MLEC: variants seen among roughly 807,000 people sequenced by gnomAD.
The protein encoded by MLEC is oligosaccharyltransferase complex subunit (non-catalytic).
Under a neutral mutation model 28.7 loss-of-function variants are expected in MLEC, and 7 were observed. The observed-to-expected ratio is 0.24, with a 90% confidence interval of 0.14 to 0.46. MLEC has a LOEUF of 0.46. Among genes scored for constraint, MLEC ranks in the 20% least tolerant of loss-of-function variants. The probability of loss-of-function intolerance (pLI) is 0.99; values close to 1 mark genes in which losing one functional copy is unlikely to be tolerated. For synonymous variants in MLEC, 142 were observed against 164.4 expected, an observed-to-expected ratio of 0.86 and a Z score of 1.04; for missense variants, 237 against 391.1, an observed-to-expected ratio of 0.61 and a Z score of 3.32.
At position 120,687,285 on chromosome 12, in the gene MLEC, G is replaced by A; in HGVS notation, c.-12G>A. ...AGGGTCGGCGGGGGCTGCCCCCGTG[G>A]TGGTGGCCGCCATGCTGGGAGCCTG... On this transcript the variant is annotated 5_prime_UTR_variant, in exon 1 of 5. It adds an upstream start codon to the 5' untranslated region. Coordinates refer to ENST00000228506, the MANE Select transcript of MLEC (RefSeq NM_014730.4). This position sits in a 1 kb window ranked among gnomAD's most constrained non-coding sequence, Gnocchi z 8.1. The A allele has an allele frequency of 5.1e-6, 7 of 1,378,850 alleles. No individual in the cohort carries two copies. The highest frequency in any genetic ancestry group is 6.5e-6 in the Non-Finnish European group (7 of 1,072,312). 85.4% of individuals were successfully genotyped at this position (1,378,850 alleles called of 1,614,324 possible).
Position 120,687,375 on chromosome 12 carries a change from C to T in MLEC, c.79C>T (p.Arg27Trp), listed in dbSNP as rs774252548. 1.5e-6 allele frequency: 2 copies of T among 1,370,394 alleles called. No homozygotes were observed. Among genetic ancestry groups the T allele is most frequent in the South Asian group, 3.9e-5 (2 of 51,480 alleles). 84.9% of individuals were successfully genotyped at this position (1,370,394 alleles called of 1,614,324 possible). A position where few individuals can be genotyped will look rare whatever the true frequency, so the allele number is the denominator to read the frequency against. Reference protein sequence around the residue: ...LLLLLLPPAIRGPGLGVAGVA... With the variant: ...LLLLLLPPAIWGPGLGVAGVA... ...GCTGCTGCTGCTGCCGCCGGCGATC[C>T]GGGGACCCGGGCTCGGCGTGGCCGG... Residue 27 changes from arginine to tryptophan, a missense_variant, in exon 1 of 5, where the codon CGG becomes TGG. Arg to Trp is a moderately radical substitution (Grantham distance 101). Transcript: ENST00000228506. The surrounding 1 kb of genome is among the most constrained non-coding windows in gnomAD (Gnocchi z 8.1).
rs985261409 is a variant in MLEC, at chr12:120,699,226, T to C, written c.*2681T>C. 4 of 152,716 alleles carry C rather than the reference T, an allele frequency of 2.6e-5. No individual in the cohort carries two copies. Among genetic ancestry groups the C allele is most frequent in the Non-Finnish European group, 5.9e-5 (4 of 68,068 alleles). The allele number at this position is 152,716 out of a possible 1,614,324, so 9.5% of individuals were successfully genotyped here. ...TGTTCTCTTATCTGTATTTTGAGCT[T>C]AGTGCTAGGACTGAGAGGCTGCACC... On this transcript the variant is annotated 3_prime_UTR_variant, in exon 5 of 5. Transcript: ENST00000228506.
rs1038659268 is a variant in MLEC at position 120,687,361 on chromosome 12, T to C, written c.65T>C (p.Leu22Pro). The part of the protein sequence containing the change: ...VALLRLLLLL[L>P]PPAIRGPGLG... Reference sequence around the variant, plus strand: ...CTCCTGCGACTGCTGCTGCTGCTGCTGCCGCCGGCGATCCGGGGACCCGGG... The same window carrying C: ...CTCCTGCGACTGCTGCTGCTGCTGCCGCCGCCGGCGATCCGGGGACCCGGG... The change falls in exon 1 of 5, where the codon CTG becomes CCG. Residue 22 changes from leucine to proline, a missense_variant. Leu to Pro is a moderately conservative substitution (Grantham distance 98). Transcript: ENST00000228506. The surrounding 1 kb of genome is among the most constrained non-coding windows in gnomAD (Gnocchi z 8.1). 5.8e-6 allele frequency: 8 copies of C among 1,376,640 alleles called. No individual in the cohort carries two copies. The highest frequency in any genetic ancestry group is 3.9e-5 in the Admixed American group (1 of 25,334). The allele number at this position is 1,376,640 out of a possible 1,614,324, so 85.3% of individuals were successfully genotyped here. A position where few individuals can be genotyped will look rare whatever the true frequency, so the allele number is the denominator to read the frequency against.
In MLEC at chr12:120,696,226, A is replaced by T; in HGVS notation, c.650-90A>T. The T allele has an allele frequency of 1.3e-6, 2 of 1,517,600 alleles. No homozygotes were observed. Among genetic ancestry groups the T allele is most frequent in the Non-Finnish European group, 1.8e-6 (2 of 1,122,100 alleles). The allele number at this position is 1,517,600 out of a possible 1,614,324, so 94.0% of individuals were successfully genotyped here. On this transcript the variant is annotated intron_variant, in intron 4 of 4. Coordinates refer to ENST00000228506, the MANE Select transcript of MLEC (RefSeq NM_014730.4). This position sits in a 1 kb window ranked among gnomAD's most constrained non-coding sequence, Gnocchi z 5.4. ...CTCTGGACCCGGGTTCAATCACAGC[A>T]ATCTCTTTATTGTGGCTTATTTGCT...
chr12:120,700,243 G>C lies in MLEC; in HGVS notation c.*3698G>C, dbSNP rs1882396586. On this transcript the variant is annotated 3_prime_UTR_variant, in exon 5 of 5. Coordinates refer to ENST00000228506, the MANE Select transcript of MLEC (RefSeq NM_014730.4). This position sits in a 1 kb window ranked among gnomAD's most constrained non-coding sequence, Gnocchi z 4.0. ...TTCCCTCTAGATTCAGGTTTGGGCA[G>C]GGGTCCTATAGTCCCTGCCATGGGG... The C allele has an allele frequency of 6.5e-6, 1 of 152,752 alleles. No individual in the cohort carries two copies. The highest frequency in any genetic ancestry group is 6.5e-5 in the Admixed American group (1 of 15,280). 9.5% of individuals were successfully genotyped at this position (152,752 alleles called of 1,614,324 possible). A position where few individuals can be genotyped will look rare whatever the true frequency, so the allele number is the denominator to read the frequency against.
chr12:120,699,544 C>T lies in MLEC; in HGVS notation c.*2999C>T, dbSNP rs1882367021. 1 of 152,250 alleles carries T rather than the reference C, an allele frequency of 6.6e-6. No individual in the cohort carries two copies. Among genetic ancestry groups the T allele is most frequent in the Non-Finnish European group, 1.5e-5 (1 of 68,070 alleles). The allele number at this position is 152,250 out of a possible 1,614,324, so 9.4% of individuals were successfully genotyped here. A position where few individuals can be genotyped will look rare whatever the true frequency, so the allele number is the denominator to read the frequency against. The stretch of plus-strand genomic sequence containing the variant: ...TCTCTCATTGGACGTTTTTGGGTCT[C>T]ACTCATGCTTACTGAAACATTGTGC... On this transcript the variant is annotated 3_prime_UTR_variant, in exon 5 of 5. Coordinates refer to ENST00000228506, the MANE Select transcript of MLEC (RefSeq NM_014730.4).
Position 120,699,352 on chromosome 12 carries a change from G to T in MLEC, c.*2807G>T, listed in dbSNP as rs1177611480. Reference sequence around the variant, plus strand: ...ATCTACACTCTGTCCCAGGTTTTTAGATCCCACTGAGCCCAGCTGACTGAA... The same window carrying T: ...ATCTACACTCTGTCCCAGGTTTTTATATCCCACTGAGCCCAGCTGACTGAA... On this transcript the variant is annotated 3_prime_UTR_variant, in exon 5 of 5. Coordinates refer to ENST00000228506, the MANE Select transcript of MLEC (RefSeq NM_014730.4). The T allele has an allele frequency of 1.3e-5, 2 of 152,546 alleles. No individual in the cohort carries two copies. The highest frequency in any genetic ancestry group is 1.3e-4 in the Admixed American group (2 of 15,272). 9.4% of individuals were successfully genotyped at this position (152,546 alleles called of 1,614,324 possible).
intron 1 of MLEC, among the ~76,000 whole-genome samples, chr12:120,689,916 T>C (rs189184261): frequency 6.6e-6 from 1 of 152,330 alleles, no homozygotes; most frequent in East Asian, 1.9e-4. Flanking sequence ...CTGTGTAGTT[T>C]CTTTGTAGTT....
rs1286446256 is a variant in MLEC, at chr12:120,694,619, A to G, written c.415-205A>G. 6.6e-6 allele frequency among the ~76,000 whole-genome samples: 1 copy of G among 151,942 alleles called. No individual in the cohort carries two copies. The highest frequency in any genetic ancestry group is 1.5e-5 in the Non-Finnish European group (1 of 67,992). ...TTTTGTTTGTATTCTTTGTTCCTTA[A>G]AGCCAATATAAGAACTCCTGGGCAG... On this transcript the variant is annotated intron_variant, in intron 2 of 4. Transcript: ENST00000228506. The surrounding 1 kb of genome is among the most constrained non-coding windows in gnomAD (Gnocchi z 4.5).
Position 120,687,485 on chromosome 12 carries a change from C to T in MLEC, c.189C>T (p.His63=), listed in dbSNP as rs1298876894. 4.8e-6 allele frequency: 7 copies of T among 1,447,050 alleles called. No individual in the cohort carries two copies. The highest frequency in any genetic ancestry group is 1.5e-5 in the South Asian group (1 of 65,014). 89.6% of individuals were successfully genotyped at this position (1,447,050 alleles called of 1,614,324 possible). The change falls in exon 1 of 5, where the codon CAC becomes CAT. Residue 63 remains histidine (H), a synonymous_variant. Coordinates refer to ENST00000228506, the MANE Select transcript of MLEC (RefSeq NM_014730.4). This position sits in a 1 kb window ranked among gnomAD's most constrained non-coding sequence, Gnocchi z 8.1. ...GTGGAGAGGCGCATGTGGACGTGCA[C>T]GGGATCCACTTCCGCAAGGACCCTT... ...NAGGEAHVDV[H]GIHFRKDPLE...
At chr12:120,688,208 G>T (rs1262537550) in intron 1 of MLEC, among the ~76,000 whole-genome samples, 1 of 152,202 alleles carries the variant, frequency 6.6e-6, no homozygotes, top group Admixed American at 6.5e-5. Context: ...ACCTCCCCTA[G>T]GTGATCCTGA....
In MLEC at chr12:120,697,664, T is replaced by C. The variant is rs7976497; in HGVS notation, c.*1119T>C. On this transcript the variant is annotated 3_prime_UTR_variant, in exon 5 of 5. Coordinates refer to ENST00000228506, the MANE Select transcript of MLEC (RefSeq NM_014730.4). The surrounding 1 kb of genome is among the most constrained non-coding windows in gnomAD (Gnocchi z 4.8). The stretch of plus-strand genomic sequence containing the variant: ...CATAGCTTAAGAGCAACCTCAGAGA[T>C]TTGAGCCCTACTAAGTGACTGACCA... 90,814 of 152,578 alleles carry C rather than the reference T, an allele frequency of 0.6. 29,774 individuals carry two copies. Among genetic ancestry groups the C allele is most frequent in the African/African-American group, 0.88 (36,748 of 41,552 alleles). 9.5% of individuals were successfully genotyped at this position (152,578 alleles called of 1,614,324 possible).
In MLEC at chr12:120,697,044, AGACTT is replaced by A. The variant is rs1218972125; in HGVS notation, c.*500_*504del. 3 of 152,870 alleles carry A rather than the reference AGACTT, an allele frequency of 2.0e-5. No individual in the cohort carries two copies. The highest frequency in any genetic ancestry group is 7.2e-5 in the African/African-American group (3 of 41,424). The allele number at this position is 152,870 out of a possible 1,614,324, so 9.5% of individuals were successfully genotyped here. A position where few individuals can be genotyped will look rare whatever the true frequency, so the allele number is the denominator to read the frequency against. On this transcript the variant is annotated 3_prime_UTR_variant, in exon 5 of 5. Coordinates refer to ENST00000228506, the MANE Select transcript of MLEC (RefSeq NM_014730.4). The surrounding 1 kb of genome is among the most constrained non-coding windows in gnomAD (Gnocchi z 4.8). ...TGAAGGGGTAGAATTTGTGCGGTAA[AGACTT>A]AAAAAAAAAAGTAGGGAGATTAAAA...
chr12:120,694,252 G>A lies in MLEC; in HGVS notation c.397G>A (p.Ala133Thr). Residue 133 changes from alanine (A) to threonine (T), a missense_variant, in exon 2 of 5, where the codon GCA becomes ACA. Physicochemically the swap from Ala to Thr is moderately conservative, Grantham distance 58. Coordinates refer to ENST00000228506, the MANE Select transcript of MLEC (RefSeq NM_014730.4). This position sits in a 1 kb window ranked among gnomAD's most constrained non-coding sequence, Gnocchi z 4.5. The part of the protein sequence containing the change: ...LVLKFAEVYF[A>T]QSQQKVFDVR... The stretch of plus-strand genomic sequence containing the variant: ...CTTGAAATTTGCAGAGGTCTACTTT[G>A]CACAGTCCCAGCAAAAGGTGAGGCC... 2 of 1,613,970 alleles carry A rather than the reference G, an allele frequency of 1.2e-6. No homozygotes were observed. The highest frequency in any genetic ancestry group is 1.7e-6 in the Non-Finnish European group (2 of 1,180,010).
At chr12:120,693,238 G>C (rs1882104300) in intron 1 of MLEC, among the ~76,000 whole-genome samples, 1 of 152,244 alleles carries the variant, frequency 6.6e-6, no homozygotes, top group African/African-American at 2.4e-5. Flanking sequence ...TGCCCTGCAG[G>C]ATGCTCCAGC....
chr12:120,691,348 G>C (rs976886092), intron 1 of MLEC, among the ~76,000 whole-genome samples: 1 of 152,174 alleles, frequency 6.6e-6, no homozygotes, highest in Non-Finnish European at 1.5e-5. Flanking sequence ...CAATGCTGTG[G>C]GATAGGTGGT....
Position 120,696,272 on chromosome 12 carries a change from C to T in MLEC, c.650-44C>T, listed in dbSNP as rs750244199. ...TTGCTGCTTTTAAGGGTCTCTCTTACTTAAATGCTGTGGGTCTTAACAGTG... is the reference window on the plus strand; with the variant it reads ...TTGCTGCTTTTAAGGGTCTCTCTTATTTAAATGCTGTGGGTCTTAACAGTG... On this transcript the variant is annotated intron_variant, in intron 4 of 4. Coordinates refer to ENST00000228506, the MANE Select transcript of MLEC (RefSeq NM_014730.4). This position sits in a 1 kb window ranked among gnomAD's most constrained non-coding sequence, Gnocchi z 5.4. 174 of 1,606,140 alleles carry T rather than the reference C, an allele frequency of 1.1e-4. No individual in the cohort carries two copies. The highest frequency in any genetic ancestry group is 1.4e-4 in the Non-Finnish European group (169 of 1,176,210).
chr12:120,691,076 G>C (rs1172147415), intron 1 of MLEC, among the ~76,000 whole-genome samples: 1 of 152,222 alleles, frequency 6.6e-6, no homozygotes, highest in African/African-American at 2.4e-5. Context: ...ACCAAGGGGG[G>C]CTTTACAGCT....
chr12:120,687,440 C>A lies in MLEC; in HGVS notation c.144C>A (p.Val48=), dbSNP rs199744373. Residue 48 remains valine (V), a synonymous_variant, in exon 1 of 5, where the codon GTC becomes GTA. Coordinates refer to ENST00000228506, the MANE Select transcript of MLEC (RefSeq NM_014730.4). This position sits in a 1 kb window ranked among gnomAD's most constrained non-coding sequence, Gnocchi z 8.1. ...CGGGGGCCGGGCTGCCCGAGAGCGT[C>A]ATTTGGGCGGTCAACGCGGGTGGAG... ...GAAGAGLPES[V]IWAVNAGGEA... is the part of the protein sequence containing the mutation. The A allele has an allele frequency of 7.1e-7, 1 of 1,409,072 alleles. No homozygotes were observed. The highest frequency in any genetic ancestry group is 9.3e-7 in the Non-Finnish European group (1 of 1,079,562). 87.3% of individuals were successfully genotyped at this position (1,409,072 alleles called of 1,614,324 possible). A position where few individuals can be genotyped will look rare whatever the true frequency, so the allele number is the denominator to read the frequency against.
Sources: allele counts gnomAD v4.1 joint callset (sites outside exome capture counted in the v4.1 genomes callset), GRCh38; gene constraint gnomAD v4.1.1; non-coding constraint Gnocchi (gnomAD v3.1); transcripts MANE v1.5; gene names NCBI Gene and HGNC (gene_info 2026-07-23, HGNC 2026-07-21).